TMOD2: variants seen among roughly 807,000 people sequenced by gnomAD.
TMOD2 encodes tropomodulin-2.
A neutral mutation model predicts 39.9 loss-of-function variants in TMOD2; 22 were observed. That is an observed-to-expected ratio of 0.55 (90% confidence interval 0.39 to 0.79). TMOD2 has a LOEUF of 0.79. Ranked by LOEUF, TMOD2 falls within the 30% of genes least tolerant of loss-of-function variation. The probability of loss-of-function intolerance (pLI) is 0.00; values close to 1 mark genes in which losing one functional copy is unlikely to be tolerated. For missense variants in TMOD2, 386 were observed against 413.3 expected (o/e 0.93, Z 0.57); for synonymous variants, 123 against 146.1 (o/e 0.84, Z 1.14).
At chr15:51,757,401 C>CAAAAAAAAAAAAAAAA (rs3078133) in intron 1 of TMOD2, among the ~76,000 whole-genome samples, 1 of 81,906 alleles carries the variant, frequency 1.2e-5, no homozygotes, top group Non-Finnish European at 2.3e-5. Context: ...GACTCCGTCT[C>CAAAAAAAAAAAAAAAA]AAAAAAAAAA....
intron 4 of TMOD2, 105 bp from the exon 5 acceptor site, chr15:51,776,827 C>A: frequency 1.1e-6 from 1 of 915,832 alleles, no homozygotes; most frequent in Non-Finnish European, 1.8e-6. Context: ...GACTCAGGGA[C>A]TTATCTTTAT....
intron 5 of TMOD2, 151 bp downstream of exon 5, chr15:51,777,169 C>A: frequency 1.6e-6 from 1 of 642,244 alleles, no homozygotes; most frequent in Non-Finnish European, 2.8e-6. Context: ...AACAGAGCAG[C>A]TGACAATGAG....
rs530378632 is a variant in TMOD2 at position 51,810,207 on chromosome 15, G to A, written c.*1753G>A. ...TGATGTGTTGGAGTCAACTTGTACA[G>A]GCTTGCCAACTGTTATATTTTCAAG... On this transcript the variant is annotated 3_prime_UTR_variant, in exon 10 of 10. Coordinates refer to ENST00000249700, the MANE Select transcript of TMOD2 (RefSeq NM_014548.4). The A allele has an allele frequency of 1.3e-5, 2 of 152,060 alleles. No individual in the cohort carries two copies. Among genetic ancestry groups the A allele is most frequent in the Non-Finnish European group, 2.9e-5 (2 of 68,018 alleles). 9.4% of individuals were successfully genotyped at this position (152,060 alleles called of 1,614,324 possible). A position where few individuals can be genotyped will look rare whatever the true frequency, so the allele number is the denominator to read the frequency against.
intron 7 of TMOD2, among the ~76,000 whole-genome samples, chr15:51,792,465 A>G (rs2056018844): frequency 6.6e-6 from 1 of 152,210 alleles, no homozygotes; most frequent in Non-Finnish European, 1.5e-5. Flanking sequence ...CAATTCCTGA[A>G]GGATCTAGAA....
At chr15:51,766,625 C>T in intron 2 of TMOD2, 58 bp downstream of exon 2, 1 of 1,558,400 alleles carries the variant, frequency 6.4e-7, no homozygotes, top group South Asian at 1.2e-5. Flanking sequence ...AATGGCATGG[C>T]TTGGTCCTTA....
intron 7 of TMOD2, among the ~76,000 whole-genome samples, chr15:51,786,038 G>T (rs7174941): frequency 6.6e-6 from 1 of 151,762 alleles, no homozygotes; most frequent in Non-Finnish European, 1.5e-5. Flanking sequence ...GAAGATATAC[G>T]TATATATACA....
At chr15:51,762,241 G>A (rs1179142083) in intron 1 of TMOD2, among the ~76,000 whole-genome samples, 1 of 151,812 alleles carries the variant, frequency 6.6e-6, no homozygotes, top group African/African-American at 2.4e-5. Flanking sequence ...AGGATTGTTT[G>A]AAGACTGGAG....
Position 51,776,947 on chromosome 15 carries a change from A to AGCT in TMOD2, c.422_423insGCT (p.His141delinsGlnLeu). 1 of 1,613,912 alleles carries AGCT rather than the reference A, an allele frequency of 6.2e-7. No individual in the cohort carries two copies. Among genetic ancestry groups the AGCT allele is most frequent in the Non-Finnish European group, 8.5e-7 (1 of 1,179,824 alleles). On this transcript the variant is annotated protein_altering_variant, in exon 5 of 10. Coordinates refer to ENST00000249700, the MANE Select transcript of TMOD2 (RefSeq NM_014548.4). ...CTGTTTTTAGCTGTCCTTGGAGTAC[A>AGCT]CAATTTGCTCAACAATCCAAAGTTC... is the stretch of plus-strand genomic sequence containing the variant.
chr15:51,752,132 T>C (rs1439238402), intron 1 of TMOD2, among the ~76,000 whole-genome samples: 2 of 152,088 alleles, frequency 1.3e-5, no homozygotes. Context: ...TGCATCTCCC[T>C]GCCTCGTTCA....
At position 51,811,690 on chromosome 15, in the gene TMOD2, G is replaced by A. The variant is rs769434008; in HGVS notation, c.*3236G>A. The A allele has an allele frequency of 2.0e-5, 3 of 152,092 alleles. No individual in the cohort carries two copies. The highest frequency in any genetic ancestry group is 4.4e-5 in the Non-Finnish European group (3 of 68,018). 9.4% of individuals were successfully genotyped at this position (152,092 alleles called of 1,614,324 possible). On this transcript the variant is annotated 3_prime_UTR_variant, in exon 10 of 10. Transcript: ENST00000249700. Reference sequence around the variant, plus strand: ...GTGTGTATGTGTGTGTGTACTGTCAGATATCTAACTAGGTATTTGGCTACA... The same window carrying A: ...GTGTGTATGTGTGTGTGTACTGTCAAATATCTAACTAGGTATTTGGCTACA...
At chr15:51,783,945 AT>A (rs2141628541) in intron 7 of TMOD2, 1 of 152,274 alleles carries the variant, frequency 6.6e-6, no homozygotes, top group Non-Finnish European at 1.5e-5. Context: ...AACTCCTCCT[AT>A]TTATAGCTAC....
intron 4 of TMOD2, among the ~76,000 whole-genome samples, chr15:51,775,549 C>T (rs936777556): frequency 1.3e-4 from 19 of 149,526 alleles, no homozygotes; most frequent in Admixed American, 1.3e-3. Context: ...TTCACAGAGA[C>T]ACAGTGACAA....
At position 51,773,884 on chromosome 15, in the gene TMOD2, G is replaced by A. The variant is rs749541001; in HGVS notation, c.406+50G>A. The A allele has an allele frequency of 1.0e-5, 16 of 1,555,422 alleles. No individual in the cohort carries two copies. In the East Asian group the frequency reaches 3.2e-4, roughly 31 times the overall value. The stretch of plus-strand genomic sequence containing the variant: ...TCCTGTCTGGCTCTATGACCTCCGA[G>A]CATGCACTGGCACCCATGGCAGCAG... On this transcript the variant is annotated intron_variant, in intron 4 of 9. Transcript: ENST00000249700.
At chr15:51,778,513 A>AG (rs1442203873) in intron 5 of TMOD2, among the ~76,000 whole-genome samples, 9 of 150,458 alleles carry the variant, frequency 6.0e-5, no homozygotes, top group Admixed American at 4.6e-4. Context: ...AAATTAAAAA[A>AG]AAAAAAAGAA....
chr15:51,764,540 C>T (rs999887331), intron 1 of TMOD2, among the ~76,000 whole-genome samples: 23 of 152,134 alleles, frequency 1.5e-4, no homozygotes, highest in African/African-American at 5.3e-4. Flanking sequence ...AAAAGATTGG[C>T]GTGCTCAGAT....
chr15:51,803,426 C>T (rs1359711059), intron 8 of TMOD2, among the ~76,000 whole-genome samples: 1 of 152,140 alleles, frequency 6.6e-6, no homozygotes, highest in African/African-American at 2.4e-5. Flanking sequence ...AGTGATCTGC[C>T]TGCCTCTGCC....
chr15:51,769,603 C>T (rs992541022), intron 3 of TMOD2, among the ~76,000 whole-genome samples: 16 of 152,200 alleles, frequency 1.1e-4, no homozygotes, highest in African/African-American at 3.6e-4. Flanking sequence ...AGCTCCCGAC[C>T]CTGTGCTCCC....
chr15:51,761,944 G>A (rs1329384332), intron 1 of TMOD2, among the ~76,000 whole-genome samples: 4 of 151,036 alleles, frequency 2.6e-5, no homozygotes, highest in Non-Finnish European at 5.9e-5. Context: ...TCAGGAGATC[G>A]AGACCATCCT....
intron 8 of TMOD2, among the ~76,000 whole-genome samples, chr15:51,801,302 C>T (rs2056088495): frequency 6.6e-6 from 1 of 151,788 alleles, no homozygotes; most frequent in Non-Finnish European, 1.5e-5. Flanking sequence ...CTCTCTCTCT[C>T]TCTCTCTCTC....
Sources: gnomAD v4.1 joint callset for allele counts (sites outside exome capture counted in the v4.1 genomes callset) on GRCh38, gnomAD v4.1.1 for gene constraint, MANE v1.5 for transcripts, NCBI Gene and HGNC (gene_info 2026-07-23, HGNC 2026-07-21) for gene names.